PCDHGA2: variants seen among roughly 807,000 people sequenced by gnomAD.
PCDHGA2 encodes protocadherin gamma subfamily A, 2, also known as protocadherin gamma-A2.
Under a neutral mutation model 59.2 loss-of-function variants are expected in PCDHGA2, and 40 were observed. That is an observed-to-expected ratio of 0.68 (90% confidence interval 0.52 to 0.88). The LOEUF (loss-of-function observed/expected upper bound fraction) is 0.88, where lower values mean the gene tolerates loss of function less well. Ranked by LOEUF, PCDHGA2 falls within the 40% of genes least tolerant of loss-of-function variation. The pLI, the probability that PCDHGA2 is intolerant of heterozygous loss-of-function variation, is 0.00. For missense variants in PCDHGA2, 1,226 were observed against 1,204.0 expected (o/e 1.02, Z -0.27); for synonymous variants, 560 against 526.0 (o/e 1.06, Z -0.89).
chr5:141,374,457 A>C lies in PCDHGA2; in HGVS notation c.2424+33062A>C, dbSNP rs775796857. ...TATCCCGTGGAAGTGGAAATAGTGG[A>C]CATTAATGACAATACACCCCGATTC... On this transcript the variant is annotated intron_variant, in intron 1 of 3. Coordinates refer to ENST00000394576, the MANE Select transcript of PCDHGA2 (RefSeq NM_018915.4). The C allele has an allele frequency of 2.5e-6, 4 of 1,613,430 alleles. No homozygotes were observed. The South Asian group carries it at 4.4e-5, about 18-fold the overall frequency.
chr5:141,445,311 G>A (rs2098463310), intron 1 of PCDHGA2, among the ~76,000 whole-genome samples: 1 of 152,150 alleles, frequency 6.6e-6, no homozygotes, highest in East Asian at 1.9e-4. Flanking sequence ...CAGTTTGTAG[G>A]TTGAGAGAAC....
At chr5:141,382,795 T>G in intron 1 of PCDHGA2, 8 of 982,614 alleles carry the variant, frequency 8.1e-6, no homozygotes, top group Non-Finnish European at 1.2e-5. Context: ...TCTATCCTGC[T>G]GGATTCTGAG....
chr5:141,491,659 G>A lies in PCDHGA2; in HGVS notation c.2425-3148G>A. On this transcript the variant is annotated intron_variant, in intron 1 of 3. Transcript: ENST00000394576. This position sits in a 1 kb window ranked among gnomAD's most constrained non-coding sequence, Gnocchi z 6.9. ...CACAGCTCTGGCGCTGGAGCCTGACGCCATCCGGTCCCGCTCTAATACGCT... is the reference window on the plus strand; with the variant it reads ...CACAGCTCTGGCGCTGGAGCCTGACACCATCCGGTCCCGCTCTAATACGCT... 6.2e-7 allele frequency: 1 copy of A among 1,613,766 alleles called. No homozygotes were observed. The highest frequency in any genetic ancestry group is 8.5e-7 in the Non-Finnish European group (1 of 1,180,004).
chr5:141,386,695 A>G (rs2090674224), intron 1 of PCDHGA2, among the ~76,000 whole-genome samples: 1 of 152,168 alleles, frequency 6.6e-6, no homozygotes, highest in Non-Finnish European at 1.5e-5. Flanking sequence ...CACTTGGGGT[A>G]GAAGACAATG....
rs1485764871 is a variant in PCDHGA2, at chr5:141,486,709, C to A, written c.2425-8098C>A. On this transcript the variant is annotated intron_variant, in intron 1 of 3. Coordinates refer to ENST00000394576, the MANE Select transcript of PCDHGA2 (RefSeq NM_018915.4). The surrounding 1 kb of genome is among the most constrained non-coding windows in gnomAD (Gnocchi z 5.0). ...CTTCCTCTTTCATCTCTCTGAACCC[C>A]CAGACAGGAGCTGTTCATGCTACTC... 6.2e-7 allele frequency: 1 copy of A among 1,614,182 alleles called. No homozygotes were observed. Among genetic ancestry groups the A allele is most frequent in the Admixed American group, 1.7e-5 (1 of 60,022 alleles).
intron 1 of PCDHGA2, chr5:141,414,763 C>A: frequency 6.2e-7 from 1 of 1,614,258 alleles, no homozygotes; most frequent in Non-Finnish European, 8.5e-7. Flanking sequence ...TGAGCAGTTT[C>A]ATGAGCTACA....
At chr5:141,371,720 C>G in intron 1 of PCDHGA2, 1 of 1,614,070 alleles carries the variant, frequency 6.2e-7, no homozygotes. Flanking sequence ...CTCTGCACAT[C>G]CTTGATGTCA....
At chr5:141,361,741 G>A in intron 1 of PCDHGA2, 1 of 1,613,146 alleles carries the variant, frequency 6.2e-7, no homozygotes, top group African/African-American at 1.3e-5. Context: ...GCAGGCCCGC[G>A]ACCAGGGCTC....
At chr5:141,377,549 T>G (rs962793950) in intron 1 of PCDHGA2, 3 of 152,038 alleles carry the variant, frequency 2.0e-5, no homozygotes, top group African/African-American at 7.2e-5. Context: ...TGAGATATAA[T>G]TGTGTCACTG....
rs1356654620 is a variant in PCDHGA2 at position 141,490,430 on chromosome 5, TTAA to T, written c.2425-4376_2425-4374del. On this transcript the variant is annotated intron_variant, in intron 1 of 3. Coordinates refer to ENST00000394576, the MANE Select transcript of PCDHGA2 (RefSeq NM_018915.4). The surrounding 1 kb of genome is among the most constrained non-coding windows in gnomAD (Gnocchi z 5.4). ...ATCTCTCCGGACCTGCCATTTCAGA[TTAA>T]GCCTTCTGAGAACCACTACTCGCTG... 1 of 1,614,162 alleles carries T rather than the reference TTAA, an allele frequency of 6.2e-7. No individual in the cohort carries two copies.
At chr5:141,362,507 C>G in intron 1 of PCDHGA2, 1 of 1,613,994 alleles carries the variant, frequency 6.2e-7, no homozygotes, top group Non-Finnish European at 8.5e-7. Context: ...GAACAAAATA[C>G]AAATCATGGA....
chr5:141,432,281 A>C lies in PCDHGA2; in HGVS notation c.2425-62526A>C, dbSNP rs1313887209. 1 of 1,614,188 alleles carries C rather than the reference A, an allele frequency of 6.2e-7. No individual in the cohort carries two copies. The highest frequency in any genetic ancestry group is 1.1e-5 in the South Asian group (1 of 91,084). On this transcript the variant is annotated intron_variant, in intron 1 of 3. Coordinates refer to ENST00000394576, the MANE Select transcript of PCDHGA2 (RefSeq NM_018915.4). The surrounding 1 kb of genome is among the most constrained non-coding windows in gnomAD (Gnocchi z 6.0). The stretch of plus-strand genomic sequence containing the variant: ...AAGCCTATCGTCCTACGTGTCCATC[A>C]ACTCCGACACTGGGGTACTGTATGC...
intron 1 of PCDHGA2, chr5:141,350,430 G>C (rs769353290): frequency 3.1e-6 from 5 of 1,610,124 alleles, no homozygotes; most frequent in Non-Finnish European, 4.2e-6. Flanking sequence ...CTCAGTGTCC[G>C]GGAGTTGCCA....
intron 1 of PCDHGA2, chr5:141,414,584 C>G (rs1359132446): frequency 3.1e-6 from 5 of 1,613,956 alleles, no homozygotes; most frequent in Non-Finnish European, 4.2e-6. Context: ...GAGAACAACG[C>G]CAGGGGTGCC....
chr5:141,458,018 A>G (rs1361716104), intron 1 of PCDHGA2, among the ~76,000 whole-genome samples: 1 of 152,188 alleles, frequency 6.6e-6, no homozygotes, highest in Admixed American at 6.5e-5. Flanking sequence ...GGTTTTTCCA[A>G]TTGTGTTCTG....
In PCDHGA2 at chr5:141,505,598, C is replaced by T. The variant is rs532473064; in HGVS notation, c.2572+117C>T. The T allele has an allele frequency of 1.4e-3, 2,157 of 1,556,732 alleles. 3 individuals are homozygous for T. Among genetic ancestry groups the T allele is most frequent in the Non-Finnish European group, 1.8e-3 (2,025 of 1,148,246 alleles). ...ACCTGTGTAGTTTCTCCAGATCTTT[C>T]GGCAGGTCTGAAAGGACCCACAATT... On this transcript the variant is annotated intron_variant, in intron 3 of 3. Coordinates refer to ENST00000394576, the MANE Select transcript of PCDHGA2 (RefSeq NM_018915.4).
chr5:141,405,222 T>A, intron 1 of PCDHGA2: 5 of 1,613,886 alleles, frequency 3.1e-6, no homozygotes, highest in Non-Finnish European at 4.2e-6. Context: ...TCTCAGGAGT[T>A]CTCCCTCACC....
intron 1 of PCDHGA2, chr5:141,428,912 T>C (rs1010303812): frequency 6.6e-6 from 1 of 151,946 alleles, no homozygotes; most frequent in Non-Finnish European, 1.5e-5. Context: ...TGGAGTGCAG[T>C]GGCATGATCT....
intron 1 of PCDHGA2, chr5:141,395,894 C>G (rs768471284): frequency 1.3e-5 from 2 of 152,020 alleles, no homozygotes; most frequent in Non-Finnish European, 2.9e-5. Flanking sequence ...CACCTGGGCT[C>G]CATGCCCATG....
Sources: gnomAD v4.1 joint callset for allele counts (sites outside exome capture counted in the v4.1 genomes callset) on GRCh38, gnomAD v4.1.1 for gene constraint, Gnocchi (gnomAD v3.1) non-coding constraint, MANE v1.5 for transcripts, NCBI Gene and HGNC (gene_info 2026-07-23, HGNC 2026-07-21) for gene names.